Variants in CAPN5 observed in about 807,000 individuals in gnomAD.
CAPN5 encodes the protein calpain 5.
Under a neutral mutation model 73.0 loss-of-function variants are expected in CAPN5, and 54 were observed. The ratio of observed to expected loss-of-function variants is 0.74; its 90% confidence interval spans 0.59 to 0.93. CAPN5 has a LOEUF of 0.93. Ranked by LOEUF, CAPN5 falls within the 40% of genes least tolerant of loss-of-function variation. CAPN5 has a pLI of 0.00. For missense variants in CAPN5, 785 were observed against 882.9 expected (o/e 0.89, Z 1.41); for synonymous variants, 335 against 356.9 (o/e 0.94, Z 0.69).
At chr11:77,106,903 T>G (rs1295598673) in intron 3 of CAPN5, among the ~76,000 whole-genome samples, 2 of 151,654 alleles carry the variant, frequency 1.3e-5, no homozygotes, top group Non-Finnish European at 2.9e-5. Flanking sequence ...CATGGGGGAG[T>G]GTGTCCTCCT....
chr11:77,123,669 A>G lies in CAPN5; in HGVS notation c.1741-19A>G. On this transcript the variant is annotated intron_variant, in intron 12 of 12. Coordinates refer to ENST00000648180, the MANE Select transcript of CAPN5 (RefSeq NM_004055.5). ...TTGGAGGTAGCCCGCCCCTCCCATG[A>G]TCCTCTGTCTCTTCCCAGGTCTGGA... The G allele has an allele frequency of 6.2e-7, 1 of 1,605,402 alleles. No individual in the cohort carries two copies. Among genetic ancestry groups the G allele is most frequent in the South Asian group, 1.1e-5 (1 of 90,512 alleles).
chr11:77,120,737 A>G lies in CAPN5; in HGVS notation c.1315A>G (p.Met439Val). 6.2e-7 allele frequency: 1 copy of G among 1,612,628 alleles called. No individual in the cohort carries two copies. Among genetic ancestry groups the G allele is most frequent in the South Asian group, 1.1e-5 (1 of 90,974 alleles). Residue 439 changes from methionine (M) to valine (V), a missense_variant, in exon 10 of 13, where the codon ATG becomes GTG. Transcript: ENST00000648180. ...GGTGGAGGAGAACCGCCAGTACCGC[A>G]TGCACAGCCTGCAGCACAAGGCCGC... ...YKVEENRQYR[M>V]HSLQHKAASS... is the part of the protein sequence containing the mutation.
chr11:77,086,652 C>T (rs1451480851), intron 2 of CAPN5, among the ~76,000 whole-genome samples: 18 of 152,194 alleles, frequency 1.2e-4, no homozygotes, highest in African/African-American at 3.9e-4. Context: ...CCTCAAAGGG[C>T]CTTTGTGAGG....
rs782152437 is a variant in CAPN5, at chr11:77,115,473, C to T, written c.778C>T (p.Arg260Cys). 15 of 1,613,088 alleles carry T rather than the reference C, an allele frequency of 9.3e-6. No homozygotes were observed. Among genetic ancestry groups the T allele is most frequent in the Middle Eastern group, 1.8e-4 (1 of 5,656 alleles). Residue 260 changes from arginine to cysteine, a missense_variant, in exon 6 of 13, where the codon CGC becomes TGC. Physicochemically the swap from Arg to Cys is radical, Grantham distance 180 (BLOSUM62 -3). Transcript: ENST00000648180. ...CCACGCATACGCCGTCACTGATGTG[C>T]GCAAGGTGCGCCTGGGCCACGGCCT... Reference protein sequence around the residue: ...KGHAYAVTDVRKVRLGHGLLA... With the variant: ...KGHAYAVTDVCKVRLGHGLLA...
intron 1 of CAPN5, among the ~76,000 whole-genome samples, chr11:77,074,137 C>T (rs1555033589): frequency 6.6e-6 from 1 of 152,176 alleles, no homozygotes; most frequent in Admixed American, 6.5e-5. Flanking sequence ...AAATCAAAAA[C>T]ACAAATAACC....
chr11:77,072,422 T>G (rs561504338), intron 1 of CAPN5, among the ~76,000 whole-genome samples: 40 of 152,276 alleles, frequency 2.6e-4, no homozygotes, highest in African/African-American at 8.7e-4. Flanking sequence ...TAGGGCAGAT[T>G]CCCATCTGAC....
chr11:77,105,362 C>T (rs1459028248), intron 3 of CAPN5, among the ~76,000 whole-genome samples: 2 of 152,136 alleles, frequency 1.3e-5, no homozygotes, highest in Admixed American at 6.5e-5. Context: ...ACCGAATCTC[C>T]TGAGGCTGGC....
At chr11:77,114,137 C>T (rs1950441623) in intron 4 of CAPN5, 105 bp from the exon 5 acceptor site, 2 of 1,002,402 alleles carry the variant, frequency 2.0e-6, no homozygotes, top group Non-Finnish European at 3.1e-6. Flanking sequence ...GTGACTGTAA[C>T]AGGTTGTTTG....
intron 1 of CAPN5, among the ~76,000 whole-genome samples, chr11:77,077,820 T>C (rs1949988406): frequency 6.6e-6 from 1 of 152,214 alleles, no homozygotes; most frequent in African/African-American, 2.4e-5. Flanking sequence ...CAGCCAATGT[T>C]GAGCATTTTT....
chr11:77,073,736 A>C (rs1286913538), intron 1 of CAPN5, among the ~76,000 whole-genome samples: 1 of 152,220 alleles, frequency 6.6e-6, no homozygotes, highest in East Asian at 1.9e-4. Context: ...TGGATTGGAC[A>C]CAGAAACGAT....
intron 3 of CAPN5, among the ~76,000 whole-genome samples, chr11:77,098,375 G>A (rs1317649231): frequency 4.3e-5 from 5 of 115,724 alleles, no homozygotes; most frequent in African/African-American, 1.4e-4. Context: ...CGGGCGGGGG[G>A]CTGACCCCCC....
intron 1 of CAPN5, among the ~76,000 whole-genome samples, chr11:77,075,506 C>T (rs147258611): frequency 3.3e-5 from 5 of 152,276 alleles, no homozygotes; most frequent in Admixed American, 1.3e-4. Context: ...GGCTAGTGCT[C>T]GGACCCAGCC....
In CAPN5 at chr11:77,087,812, G is replaced by T; in HGVS notation, c.165+2761G>T. ...TTGTTGGGGACCTAGAGCCACCTTG[G>T]TTGGGACATCCCATCTCCTATTGAC... On this transcript the variant is annotated intron_variant, in intron 2 of 12. Coordinates refer to ENST00000648180, the MANE Select transcript of CAPN5 (RefSeq NM_004055.5). 3 of 1,278,184 alleles carry T rather than the reference G, an allele frequency of 2.3e-6. No individual in the cohort carries two copies. The South Asian group carries it at 4.3e-5, about 18-fold the overall frequency. The allele number at this position is 1,278,184 out of a possible 1,614,324, so 79.2% of individuals were successfully genotyped here.
chr11:77,094,533 C>T (rs1555037235), intron 3 of CAPN5, among the ~76,000 whole-genome samples: 1 of 152,254 alleles, frequency 6.6e-6, no homozygotes, highest in Non-Finnish European at 1.5e-5. Context: ...CAGACCCTGG[C>T]TCCCTGAAGA....
chr11:77,093,141 G>A (rs1440548847), intron 2 of CAPN5, among the ~76,000 whole-genome samples: 1 of 152,242 alleles, frequency 6.6e-6, no homozygotes, highest in African/African-American at 2.4e-5. Flanking sequence ...GACCTGATGA[G>A]ATTATGCGAG....
chr11:77,087,900 C>A, intron 2 of CAPN5: 4 of 1,535,850 alleles, frequency 2.6e-6, no homozygotes, highest in Non-Finnish European at 3.5e-6. Context: ...CTTCAGCCCA[C>A]ACCCTTCACC....
At chr11:77,087,435 A>G (rs958332486) in intron 2 of CAPN5, among the ~76,000 whole-genome samples, 22 of 152,178 alleles carry the variant, frequency 1.4e-4, no homozygotes, top group African/African-American at 4.8e-4. Context: ...ATGCCCGTCC[A>G]TCCCCTCCAG....
At chr11:77,070,967 G>A (rs1019588870) in intron 1 of CAPN5, among the ~76,000 whole-genome samples, 23 of 152,260 alleles carry the variant, frequency 1.5e-4, no homozygotes, top group South Asian at 6.2e-4. Flanking sequence ...AGCCAAGATC[G>A]TCTCCCTGTC....
intron 3 of CAPN5, among the ~76,000 whole-genome samples, chr11:77,107,471 A>G (rs528671539): frequency 2.0e-5 from 3 of 152,238 alleles, no homozygotes; most frequent in African/African-American, 7.2e-5. Flanking sequence ...TTGCAGGCAG[A>G]TCCTGAGCAG....
Sources: allele counts gnomAD v4.1 joint callset (sites outside exome capture counted in the v4.1 genomes callset), GRCh38; gene constraint gnomAD v4.1.1; transcripts MANE v1.5; gene names NCBI Gene and HGNC (gene_info 2026-07-23, HGNC 2026-07-21).